Variants in RBFOX1 observed in about 807,000 individuals in gnomAD.
The protein encoded by RBFOX1 is RNA binding fox-1 homolog 1, also known as RNA binding protein fox-1 homolog 1.
RBFOX1 carries 8 observed loss-of-function variants against 57.7 expected under a neutral mutation model. The ratio of observed to expected loss-of-function variants is 0.14; its 90% CI spans 0.08 to 0.25. RBFOX1 has a LOEUF of 0.25. Ranked by LOEUF, RBFOX1 falls within the 10% of genes least tolerant of loss-of-function variation. RBFOX1 has a pLI of 1.00. For synonymous variants in RBFOX1, 326 were observed against 222.4 expected, an observed-to-expected ratio of 1.47 and a Z score of -4.15; for missense variants, 611 against 548.5, an observed-to-expected ratio of 1.11 and a Z score of -1.14.
intron 1 of RBFOX1, among the ~76,000 whole-genome samples, chr16:5,318,061 T>C (rs2064291279): frequency 6.6e-6 from 1 of 152,122 alleles, no homozygotes; most frequent in Non-Finnish European, 1.5e-5. Context: ...AAAGAGTGGA[T>C]GTCTGTAGGT....
chr16:5,477,652 T>C (rs927128101), intron 2 of RBFOX1, among the ~76,000 whole-genome samples: 4 of 152,192 alleles, frequency 2.6e-5, no homozygotes, highest in African/African-American at 7.2e-5. Flanking sequence ...CTTACCCTCA[T>C]TGCAAATCTT....
intron 2 of RBFOX1, among the ~76,000 whole-genome samples, chr16:6,539,806 G>GACACACACACAGACACACACACAC (rs2096787116): frequency 3.7e-5 from 5 of 136,234 alleles, no homozygotes; most frequent in Non-Finnish European, 4.8e-5. Context: ...TCAAAACACA[G>GACACACACACAGACACACACACAC]ACACACACAC....
chr16:5,313,260 C>A (rs2064140877), intron 1 of RBFOX1, among the ~76,000 whole-genome samples: 1 of 152,164 alleles, frequency 6.6e-6, no homozygotes, highest in Non-Finnish European at 1.5e-5. Flanking sequence ...TCCCCCTCTC[C>A]AAAGTCCTCT....
chr16:5,611,980 C>T (rs11640672), intron 3 of RBFOX1, among the ~76,000 whole-genome samples: 144,415 of 151,876 alleles, frequency 0.95, 68,695 homozygotes, highest in East Asian at 1. Context: ...AAAATAAAAA[C>T]AGCCAGATGT....
At chr16:6,828,927 C>T (rs962359727) in intron 3 of RBFOX1, among the ~76,000 whole-genome samples, 1 of 152,088 alleles carries the variant, frequency 6.6e-6, no homozygotes, top group Admixed American at 6.5e-5. Flanking sequence ...GCATGGTGCT[C>T]TCTTGAGTCC....
chr16:6,425,796 GAGAA>G (rs922797642), intron 2 of RBFOX1, among the ~76,000 whole-genome samples: 1 of 152,106 alleles, frequency 6.6e-6, no homozygotes, highest in Non-Finnish European at 1.5e-5. Context: ...TTTATTCAGG[GAGAA>G]AGAGTTTAAT....
chr16:6,408,373 G>A (rs1429099828), intron 2 of RBFOX1, among the ~76,000 whole-genome samples: 2 of 152,142 alleles, frequency 1.3e-5, no homozygotes, highest in Non-Finnish European at 2.9e-5. Flanking sequence ...TGTATTTAAT[G>A]TATGATTTCA....
At chr16:6,958,067 A>C (rs1173361833) in intron 3 of RBFOX1, among the ~76,000 whole-genome samples, 1 of 152,020 alleles carries the variant, frequency 6.6e-6, no homozygotes, top group East Asian at 1.9e-4. Flanking sequence ...TTTGGAGACT[A>C]GCTCTCATGG....
chr16:6,609,136 T>A (rs1346600228), intron 2 of RBFOX1, among the ~76,000 whole-genome samples: 2 of 152,148 alleles, frequency 1.3e-5, no homozygotes, highest in Non-Finnish European at 2.9e-5. Flanking sequence ...TGATTCCCTT[T>A]TACCATGTCA....
rs537629656 is a variant in RBFOX1, at chr16:6,739,601, G to A, written c.-16+84951G>A. ...TTCTAGAAAATAGAAGGTGGGCCAG[G>A]TGGGGTGGCTCATGCCTGTAATCCC... On this transcript the variant is annotated intron_variant, in intron 3 of 15. Transcript: ENST00000550418. Among the ~76,000 whole-genome samples the A allele has an allele frequency of 2.0e-5, 3 of 151,492 alleles. No individual in the cohort carries two copies. In the South Asian group the frequency reaches 6.3e-4, roughly 32 times the overall value.
chr16:5,349,890 A>G (rs1295465603), intron 1 of RBFOX1, among the ~76,000 whole-genome samples: 1 of 151,992 alleles, frequency 6.6e-6, no homozygotes, highest in Non-Finnish European at 1.5e-5. Flanking sequence ...CAGGAAACAC[A>G]TGTGCACCAT....
rs374040193 is a variant in RBFOX1 at position 5,934,570 on chromosome 16, C to T, written c.351+67235C>T. On this transcript the variant is annotated intron_variant, in intron 4 of 19. Coordinates refer to the RBFOX1 transcript ENST00000641259. ...TGAGGCCTGCAGTATGGACAGATCC[C>T]GCCAAGTGTTTTAAAAGAGAAGAGG... is the stretch of plus-strand genomic sequence containing the variant. Among the ~76,000 whole-genome samples, 21 of 152,152 alleles carry T rather than the reference C, an allele frequency of 1.4e-4. No individual in the cohort carries two copies. In the East Asian group the frequency reaches 1.9e-3, roughly 14 times the overall value.
chr16:6,772,972 TGTGTGC>T (rs371295225), intron 3 of RBFOX1, among the ~76,000 whole-genome samples: 220 of 147,064 alleles, frequency 1.5e-3, no homozygotes, highest in African/African-American at 5.3e-3. Context: ...GGGGTGCATT[TGTGTGC>T]GTGTGTGTGG....
At chr16:6,702,049 C>A (rs145157429) in intron 3 of RBFOX1, among the ~76,000 whole-genome samples, 1 of 152,142 alleles carries the variant, frequency 6.6e-6, no homozygotes, top group Non-Finnish European at 1.5e-5. Context: ...TTGCAACATA[C>A]AATTTACCTG....
intron 5 of RBFOX1, among the ~76,000 whole-genome samples, chr16:7,575,567 A>G (rs1420187024): frequency 6.6e-6 from 1 of 152,084 alleles, no homozygotes; most frequent in Non-Finnish European, 1.5e-5. Context: ...GCAGCCAACA[A>G]AAGCTAAATG....
intron 4 of RBFOX1, among the ~76,000 whole-genome samples, chr16:5,932,825 C>T (rs1490161178): frequency 6.6e-6 from 1 of 151,930 alleles, no homozygotes; most frequent in Non-Finnish European, 1.5e-5. Context: ...TCTCCCTGCT[C>T]TTTGGCCCCA....
chr16:6,897,020 A>G (rs1262310336), intron 3 of RBFOX1, among the ~76,000 whole-genome samples: 1 of 152,146 alleles, frequency 6.6e-6, no homozygotes. Flanking sequence ...ACCTGTGCAG[A>G]GCTCCCTGTG....
At chr16:7,353,009 C>T (rs1351607448) in intron 4 of RBFOX1, among the ~76,000 whole-genome samples, 1 of 152,150 alleles carries the variant, frequency 6.6e-6, no homozygotes. Context: ...AGCCACTGCA[C>T]CCAGCCCATA....
In RBFOX1 at chr16:7,471,636, C is replaced by G. The variant is rs1017839106; in HGVS notation, c.28-46511C>G. ...TGGAGATGGCTTCTTTACCCATGAGCTATGCACATTAGATCAAAAAATGGG... is the reference window on the plus strand; with the variant it reads ...TGGAGATGGCTTCTTTACCCATGAGGTATGCACATTAGATCAAAAAATGGG... On this transcript the variant is annotated intron_variant, in intron 4 of 15. Transcript: ENST00000550418. Among the ~76,000 whole-genome samples the G allele has an allele frequency of 3.3e-5, 5 of 152,138 alleles. No individual in the cohort carries two copies. The East Asian group carries it at 5.8e-4, about 18-fold the overall frequency.
Sources: allele counts gnomAD v4.1 joint callset (sites outside exome capture counted in the v4.1 genomes callset), GRCh38; gene constraint gnomAD v4.1.1; transcripts MANE v1.5; gene names NCBI Gene and HGNC (gene_info 2026-07-23, HGNC 2026-07-21).